Variants in SAMSN1 observed in about 807,000 individuals in gnomAD.
SAMSN1 encodes SAM domain-containing protein SAMSN-1.
In SAMSN1, 31 loss-of-function variants were observed where a neutral mutation model predicts 42.0. The ratio of observed to expected loss-of-function variants is 0.74; its 90% CI spans 0.55 to 1.00. The LOEUF (loss-of-function observed/expected upper bound fraction) is 1.00. Ranked by LOEUF, SAMSN1 falls within the 50% of genes least tolerant of loss-of-function variation. The pLI is 0.00. For synonymous variants in SAMSN1, 178 were observed against 151.9 expected (o/e 1.17, Z -1.26); for missense variants, 464 against 439.4 (o/e 1.06, Z -0.50).
intron 1 of SAMSN1, among the ~76,000 whole-genome samples, chr21:14,652,707 T>C (rs1262105155): frequency 6.6e-6 from 1 of 151,936 alleles, no homozygotes; most frequent in East Asian, 1.9e-4. Flanking sequence ...GTTGAAAAGC[T>C]TCCGCACAGA....
intron 5 of SAMSN1, among the ~76,000 whole-genome samples, chr21:14,506,191 C>G (rs999663091): frequency 2.6e-5 from 4 of 151,804 alleles, no homozygotes; most frequent in African/African-American, 7.3e-5. Flanking sequence ...AAACCAAACT[C>G]AAACACAGCA....
intron 2 of SAMSN1, among the ~76,000 whole-genome samples, chr21:14,621,484 T>A (rs1269487834): frequency 7.9e-5 from 12 of 152,118 alleles, no homozygotes; most frequent in Admixed American, 7.9e-4. Flanking sequence ...CAAACGGCAC[T>A]CCAGGAGATT....
rs558932176 is a variant in SAMSN1, at chr21:14,581,513, C to A, written c.261+623G>T. ...AGCTGGAACTACAGGTGCCCGCCACCACGCCCGGCTAATTTTTTTGTATTT... is the reference window on the plus strand; with the variant it reads ...AGCTGGAACTACAGGTGCCCGCCACAACGCCCGGCTAATTTTTTTGTATTT... On this transcript the variant is annotated intron_variant, in intron 2 of 8. Transcript: ENST00000285670. Among the ~76,000 whole-genome samples, 466 of 150,898 alleles carry A rather than the reference C, an allele frequency of 3.1e-3. 5 individuals are homozygous for A. The highest frequency in any genetic ancestry group is 1.9e-3 in the Non-Finnish European group (126 of 67,716).
chr21:14,488,721 A>G (rs941537704), intron 7 of SAMSN1, among the ~76,000 whole-genome samples: 1 of 152,124 alleles, frequency 6.6e-6, no homozygotes, highest in Non-Finnish European at 1.5e-5. Flanking sequence ...TGCAATTTTT[A>G]TGGAAAAAGA....
intron 1 of SAMSN1, among the ~76,000 whole-genome samples, chr21:14,656,849 G>A (rs1007762630): frequency 1.3e-5 from 2 of 151,680 alleles, no homozygotes; most frequent in Non-Finnish European, 3.0e-5. Flanking sequence ...ATCTTTATGT[G>A]ACACATAATA....
intron 1 of SAMSN1, among the ~76,000 whole-genome samples, chr21:14,645,623 C>T (rs1246085183): frequency 6.6e-6 from 1 of 152,196 alleles, no homozygotes; most frequent in East Asian, 1.9e-4. Context: ...CATCTACTAG[C>T]ATCAACACCA....
chr21:14,643,831 G>A (rs992615306), intron 1 of SAMSN1, among the ~76,000 whole-genome samples: 23 of 152,164 alleles, frequency 1.5e-4, no homozygotes, highest in African/African-American at 4.8e-4. Context: ...TGGCACCTGC[G>A]GCCTGGTGTG....
chr21:14,581,958 A>C (rs1432625647), intron 2 of SAMSN1, among the ~76,000 whole-genome samples: 1 of 152,184 alleles, frequency 6.6e-6, no homozygotes, highest in Non-Finnish European at 1.5e-5. Context: ...GAATATATGA[A>C]ATGTTAATAT....
At chr21:14,528,150 A>G (rs1253402474) in intron 1 of SAMSN1, among the ~76,000 whole-genome samples, 1 of 152,172 alleles carries the variant, frequency 6.6e-6, no homozygotes, top group Non-Finnish European at 1.5e-5. Flanking sequence ...AAATGTGCCC[A>G]TGATGACACT....
intron 1 of SAMSN1, among the ~76,000 whole-genome samples, chr21:14,647,384 T>A (rs1018324554): frequency 6.7e-6 from 1 of 148,618 alleles, no homozygotes; most frequent in South Asian, 2.2e-4. Flanking sequence ...TTTTGGTTAC[T>A]GCAGCCTTGT....
intron 4 of SAMSN1, among the ~76,000 whole-genome samples, chr21:14,609,727 C>A (rs976880445): frequency 1.3e-5 from 2 of 152,118 alleles, no homozygotes; most frequent in Non-Finnish European, 1.5e-5. Context: ...AAGTCAGGGA[C>A]CCCGAACGGA....
chr21:14,525,704 A>G (rs1394250507), intron 1 of SAMSN1, among the ~76,000 whole-genome samples: 3 of 152,208 alleles, frequency 2.0e-5, no homozygotes, highest in Admixed American at 1.3e-4. Context: ...GCCATTCTTG[A>G]ATCATTAGCT....
intron 7 of SAMSN1, chr21:14,593,805 T>C (rs922305059): frequency 1.9e-5 from 7 of 360,474 alleles, no homozygotes; most frequent in African/African-American, 1.5e-4. Context: ...CTTTCCTTCT[T>C]TGAAGGAAAT....
At chr21:14,628,313 A>G (rs540093065) in intron 2 of SAMSN1, among the ~76,000 whole-genome samples, 1 of 152,284 alleles carries the variant, frequency 6.6e-6, no homozygotes, top group Non-Finnish European at 1.5e-5. Context: ...ATGATATTTG[A>G]GATGATGGAC....
intron 7 of SAMSN1, 102 bp from the exon 8 acceptor site, chr21:14,486,216 C>A (rs751029861): frequency 2.1e-5 from 16 of 765,014 alleles, no homozygotes; most frequent in Non-Finnish European, 3.5e-5. Flanking sequence ...CTGTTCTAAC[C>A]ATGACTTCAT....
intron 2 of SAMSN1, among the ~76,000 whole-genome samples, chr21:14,561,336 T>C (rs1453209064): frequency 6.6e-6 from 1 of 152,158 alleles, no homozygotes; most frequent in East Asian, 1.9e-4. Context: ...GGGAGCCTGA[T>C]TAGAGTGATA....
At chr21:14,500,786 A>G in intron 5 of SAMSN1, 51 bp from the exon 6 acceptor site, 1 of 1,357,970 alleles carries the variant, frequency 7.4e-7, no homozygotes, top group Non-Finnish European at 1.0e-6. Flanking sequence ...CCTCACTGAT[A>G]GAAAGAATGA....
chr21:14,651,223 CA>C lies in SAMSN1; in HGVS notation c.24+7524del, dbSNP rs1026471209. 8.8e-4 allele frequency among the ~76,000 whole-genome samples: 128 copies of C among 145,388 alleles called. 2 individuals are homozygous for C. The highest frequency in any genetic ancestry group is 7.4e-3 in the South Asian group (34 of 4,612). ...ATACCAAAACCAGACAAAGACACAT[CA>C]AAAAAAAAAGAAGACTACAGGCCAA... On this transcript the variant is annotated intron_variant, in intron 1 of 15. Transcript: ENST00000647101.
At chr21:14,543,205 G>C (rs773086686) in intron 1 of SAMSN1, among the ~76,000 whole-genome samples, 4 of 152,088 alleles carry the variant, frequency 2.6e-5, no homozygotes, top group Non-Finnish European at 4.4e-5. Context: ...TTCTGTTATA[G>C]AATATCTCTG....
Sources: allele counts gnomAD v4.1 joint callset (sites outside exome capture counted in the v4.1 genomes callset), GRCh38; gene constraint gnomAD v4.1.1; transcripts MANE v1.5; gene names NCBI Gene and HGNC (gene_info 2026-07-23, HGNC 2026-07-21).